OTUD7A: variants seen among roughly 807,000 people sequenced by gnomAD.
OTUD7A encodes OTU domain-containing protein 7A.
Under a neutral mutation model 65.7 loss-of-function variants are expected in OTUD7A, and 12 were observed. That is an observed-to-expected ratio of 0.18 (90% CI 0.12 to 0.30). The LOEUF is 0.30. OTUD7A is among the 10% of genes least tolerant of loss of function. The pLI is 1.00. For missense variants in OTUD7A, 1,148 were observed against 1,304.8 expected (o/e 0.88, Z 1.85); for synonymous variants, 641 against 586.3 (o/e 1.09, Z -1.35).
At chr15:31,592,410 C>G (rs1411531177) in intron 3 of OTUD7A, among the ~76,000 whole-genome samples, 3 of 151,650 alleles carry the variant, frequency 2.0e-5, no homozygotes, top group Non-Finnish European at 2.9e-5. Flanking sequence ...TTTTCTTAGC[C>G]TAGGCCCACA....
intron 3 of OTUD7A, among the ~76,000 whole-genome samples, chr15:31,572,325 G>C (rs1317469779): frequency 6.6e-6 from 1 of 152,148 alleles, no homozygotes; most frequent in Non-Finnish European, 1.5e-5. Context: ...CAAGCAGCAA[G>C]ACAGTATAGC....
At chr15:31,621,947 T>C (rs776805350) in intron 3 of OTUD7A, among the ~76,000 whole-genome samples, 25 of 152,252 alleles carry the variant, frequency 1.6e-4, no homozygotes, top group African/African-American at 6.0e-4. Flanking sequence ...GGAGCTCTTG[T>C]AGGGCAGGTC....
At chr15:31,722,156 C>T (rs185607715) in intron 1 of OTUD7A, among the ~76,000 whole-genome samples, 309 of 152,274 alleles carry the variant, frequency 2.0e-3, no homozygotes, top group Non-Finnish European at 3.3e-3. Flanking sequence ...GAGTGAAGGG[C>T]CCCCGATCCC....
At chr15:31,678,954 C>T (rs1047181091) in intron 1 of OTUD7A, among the ~76,000 whole-genome samples, 3 of 152,192 alleles carry the variant, frequency 2.0e-5, no homozygotes, top group African/African-American at 7.2e-5. Context: ...GTGAAAGCAG[C>T]CAGGAGCGGG....
At chr15:31,667,657 T>G (rs376535960) in intron 1 of OTUD7A, among the ~76,000 whole-genome samples, 1 of 152,240 alleles carries the variant, frequency 6.6e-6, no homozygotes. Context: ...GAGGTACCAT[T>G]GCATTCATTG....
chr15:31,841,412 C>T lies in OTUD7A; in HGVS notation c.-100+29095G>A, dbSNP rs114009539. ...AACACAGCCCTGACGATGCAGGACA[C>T]AAGGAAGCCTCGAGGACACATGCAA... On this transcript the variant is annotated intron_variant, in intron 1 of 12. Transcript: ENST00000307050. 6.4e-3 allele frequency among the ~76,000 whole-genome samples: 971 copies of T among 152,254 alleles called. 12 individuals are homozygous for T. The highest frequency in any genetic ancestry group is 0.023 in the African/African-American group (939 of 41,546).
At chr15:31,753,834 T>C (rs959036095) in intron 1 of OTUD7A, among the ~76,000 whole-genome samples, 8 of 150,966 alleles carry the variant, frequency 5.3e-5, no homozygotes, top group African/African-American at 1.9e-4. Context: ...AACACACATG[T>C]GCAGTTATCT....
In OTUD7A at chr15:31,713,436, T is replaced by C. The variant is rs531434676; in HGVS notation, c.-99-56359A>G. Among the ~76,000 whole-genome samples the C allele has an allele frequency of 4.1e-3, 617 of 152,202 alleles. 2 individuals are homozygous for C. Among genetic ancestry groups the C allele is most frequent in the African/African-American group, 0.014 (591 of 41,530 alleles). The stretch of plus-strand genomic sequence containing the variant: ...GAGTTTGAGACAAGCTTGGGCAACA[T>C]GGTGAAACCTTGTCTCATCTAAAAA... On this transcript the variant is annotated intron_variant, in intron 1 of 12. Transcript: ENST00000307050.
At chr15:31,828,077 T>C (rs190880468) in intron 1 of OTUD7A, among the ~76,000 whole-genome samples, 1 of 152,168 alleles carries the variant, frequency 6.6e-6, no homozygotes, top group Non-Finnish European at 1.5e-5. Flanking sequence ...ATCATTTTGG[T>C]TTTTTCTTTT....
At chr15:31,546,716 A>C (rs560023949) in intron 5 of OTUD7A, among the ~76,000 whole-genome samples, 5 of 152,366 alleles carry the variant, frequency 3.3e-5, no homozygotes, top group African/African-American at 1.2e-4. Context: ...GACACCAAAA[A>C]ATCCATCAAT....
At chr15:31,538,997 A>G (rs10152711) in intron 5 of OTUD7A, among the ~76,000 whole-genome samples, 47,089 of 152,096 alleles carry the variant, frequency 0.31, 9,798 homozygotes, top group African/African-American at 0.59. Context: ...GCTGACGAAT[A>G]TGTGCTGTAC....
chr15:31,477,822 G>T lies in OTUD7A; in HGVS notation c.*5472C>A, dbSNP rs1341906182. ...GGAGGCGAGAATCAAATAAATGGAT[G>T]AATGATTAACATCTGCAGCACTCAG... On this transcript the variant is annotated 3_prime_UTR_variant, in exon 13 of 13. Transcript: ENST00000307050. 7.3e-6 allele frequency: 1 copy of T among 136,752 alleles called. No homozygotes were observed. 8.5% of individuals were successfully genotyped at this position (136,752 alleles called of 1,614,324 possible).
At chr15:31,539,791 T>G (rs1217851619) in intron 5 of OTUD7A, among the ~76,000 whole-genome samples, 1 of 152,176 alleles carries the variant, frequency 6.6e-6, no homozygotes, top group East Asian at 1.9e-4. Context: ...TAAAGAGAGA[T>G]AAAGCAAATG....
chr15:31,812,703 C>T (rs56205847), intron 1 of OTUD7A, among the ~76,000 whole-genome samples: 2,795 of 152,212 alleles, frequency 0.018, 55 homozygotes, highest in Admixed American at 0.048. Context: ...ATCCCCTGCT[C>T]CCACTCCCTG....
intron 3 of OTUD7A, among the ~76,000 whole-genome samples, chr15:31,609,941 T>C (rs1439353628): frequency 6.6e-6 from 1 of 152,172 alleles, no homozygotes; most frequent in Non-Finnish European, 1.5e-5. Context: ...CCGGGCAGAC[T>C]TGCTGGATGG....
intron 1 of OTUD7A, among the ~76,000 whole-genome samples, chr15:31,786,015 A>AATCCATTCAAATCCATTC (rs1895663093): frequency 1.3e-5 from 2 of 152,232 alleles, no homozygotes; most frequent in South Asian, 4.1e-4. Context: ...TTCATGGATT[A>AATCCATTCAAATCCATTC]ATGGGTTATC....
At chr15:31,806,562 G>C (rs1235188866) in intron 1 of OTUD7A, among the ~76,000 whole-genome samples, 1 of 152,132 alleles carries the variant, frequency 6.6e-6, no homozygotes, top group Non-Finnish European at 1.5e-5. Context: ...GGGTCTAGTG[G>C]GTTGCTGCAA....
At chr15:31,800,467 T>C (rs768928928) in intron 1 of OTUD7A, among the ~76,000 whole-genome samples, 2 of 152,138 alleles carry the variant, frequency 1.3e-5, no homozygotes, top group African/African-American at 2.4e-5. Flanking sequence ...TCATTGTGTG[T>C]TCCTGAAGGT....
intron 3 of OTUD7A, among the ~76,000 whole-genome samples, chr15:31,593,564 C>A (rs997785588): frequency 1.3e-5 from 2 of 152,068 alleles, no homozygotes; most frequent in African/African-American, 4.8e-5. Context: ...AGACTTTCAG[C>A]AAATGGGTCT....
Sources: gnomAD v4.1 joint callset for allele counts (sites outside exome capture counted in the v4.1 genomes callset) on GRCh38, gnomAD v4.1.1 for gene constraint, MANE v1.5 for transcripts, NCBI Gene and HGNC (gene_info 2026-07-23, HGNC 2026-07-21) for gene names.